ZNF792: variants seen among roughly 807,000 people sequenced by gnomAD.
ZNF792 encodes zinc finger protein 792.
Under a neutral mutation model 13.1 loss-of-function variants are expected in ZNF792, and 14 were observed. The ratio of observed to expected loss-of-function variants is 1.07; its 90% CI spans 0.71 to 1.67. The LOEUF is 1.67. ZNF792 is among the 40% of genes most tolerant of loss of function. The pLI is 0.00. For synonymous variants in ZNF792, 257 were observed against 292.0 expected (o/e 0.88, Z 1.22); for missense variants, 740 against 807.9 (o/e 0.92, Z 1.02).
chr19:34,962,090 C>A (rs1268116577), intron 1 of ZNF792, among the ~76,000 whole-genome samples: 1 of 152,142 alleles, frequency 6.6e-6, no homozygotes, highest in Non-Finnish European at 1.5e-5. Flanking sequence ...CAAGCAAGAA[C>A]CCTGCTCTCA....
chr19:34,956,823 G>T lies in ZNF792; in HGVS notation c.*1133C>A, dbSNP rs1443848905. 6.6e-6 allele frequency: 1 copy of T among 152,216 alleles called. No homozygotes were observed. Among genetic ancestry groups the T allele is most frequent in the African/African-American group, 2.4e-5 (1 of 41,436 alleles). The allele number at this position is 152,216 out of a possible 1,614,324, so 9.4% of individuals were successfully genotyped here. ...CACAGCACTGGCCTTCAGATGCACA[G>T]CACGGAGATGGTAATCCACAAAACC... On this transcript the variant is annotated 3_prime_UTR_variant, in exon 4 of 4. Coordinates refer to ENST00000404801, the MANE Select transcript of ZNF792 (RefSeq NM_175872.5).
chr19:34,959,086 A>G lies in ZNF792; in HGVS notation c.769T>C (p.Cys257Arg). The G allele has an allele frequency of 6.2e-7, 1 of 1,614,174 alleles. No individual in the cohort carries two copies. The change falls in exon 4 of 4, where the codon TGT (cysteine) becomes CGT (arginine). Residue 257 changes from cysteine (C) to arginine (R), a missense_variant. Physicochemically the swap from Cys to Arg is radical, Grantham distance 180. Coordinates refer to ENST00000404801, the MANE Select transcript of ZNF792 (RefSeq NM_175872.5). ...FHIALRHNKCCESGDAFNNKS... is the reference protein window; with the variant it reads ...FHIALRHNKCRESGDAFNNKS... Reference sequence around the variant, plus strand: ...TTATTGAAGGCATCCCCAGATTCACAGCACTTGTTATGCCTTAGTGCAATG... The same window carrying G: ...TTATTGAAGGCATCCCCAGATTCACGGCACTTGTTATGCCTTAGTGCAATG...
chr19:34,958,420 C>A lies in ZNF792; in HGVS notation c.1435G>T (p.Glu479Ter), dbSNP rs2013468805. 1 of 1,612,856 alleles carries A rather than the reference C, an allele frequency of 6.2e-7. No homozygotes were observed. The highest frequency in any genetic ancestry group is 1.3e-5 in the African/African-American group (1 of 74,872). ...AATAACTTCCCACATTCATTGCATT[C>A]ATAAGGCCGCTCACCAGTGTGAACT... The part of the protein sequence containing the change: ...QRVHTGERPY[E>*]CNECGKLFSQ... Residue 479 changes from glutamate to a stop codon, truncating the protein, a stop_gained, in exon 4 of 4, where the codon GAA (glutamate) becomes TAA (stop). Coordinates refer to ENST00000404801, the MANE Select transcript of ZNF792 (RefSeq NM_175872.5). LOFTEE classifies it low-confidence loss of function (END_TRUNC).
Position 34,959,159 on chromosome 19 carries a change from G to C in ZNF792, c.696C>G (p.Pro232=), listed in dbSNP as rs143827261. The change falls in exon 4 of 4, where the codon CCC becomes CCG. Residue 232 remains proline, a synonymous_variant. Coordinates refer to ENST00000404801, the MANE Select transcript of ZNF792 (RefSeq NM_175872.5). ...TAGFLQCEVT[P]SDGEPHEATE... is the part of the protein sequence containing the mutation. ...TGGCCTCGTGCGGCTCCCCATCGCT[G>C]GGAGTGACCTCACACTGCAGAAACC... The C allele has an allele frequency of 6.2e-7, 1 of 1,613,904 alleles. No individual in the cohort carries two copies. Among genetic ancestry groups the C allele is most frequent in the South Asian group, 1.1e-5 (1 of 91,080 alleles).
At position 34,957,895 on chromosome 19, in the gene ZNF792, T is replaced by TA; in HGVS notation, c.*60dup. 6.7e-7 allele frequency: 1 copy of TA among 1,491,270 alleles called. No individual in the cohort carries two copies. The highest frequency in any genetic ancestry group is 8.9e-7 in the Non-Finnish European group (1 of 1,117,678). The allele number at this position is 1,491,270 out of a possible 1,614,324, so 92.4% of individuals were successfully genotyped here. A position where few individuals can be genotyped will look rare whatever the true frequency, so the allele number is the denominator to read the frequency against. ...AACCCCAGCAGTGAAAAAACGCTGA[T>TA]AAACTCTACAGTAAGAGAATGTAAC... On this transcript the variant is annotated 3_prime_UTR_variant, in exon 4 of 4. Coordinates refer to ENST00000404801, the MANE Select transcript of ZNF792 (RefSeq NM_175872.5).
At chr19:34,960,009 G>A (rs1235061842) in intron 3 of ZNF792, among the ~76,000 whole-genome samples, 1 of 152,238 alleles carries the variant, frequency 6.6e-6, no homozygotes, top group African/African-American at 2.4e-5. Context: ...CGCAGAGGAA[G>A]CTGAAAGAGA....
In ZNF792 at chr19:34,958,108, T is replaced by A; in HGVS notation, c.1747A>T (p.Ile583Phe). 1 of 1,613,108 alleles carries A rather than the reference T, an allele frequency of 6.2e-7. No homozygotes were observed. The highest frequency in any genetic ancestry group is 1.1e-5 in the South Asian group (1 of 90,914). Residue 583 changes from isoleucine to phenylalanine, a missense_variant, in exon 4 of 4, where the codon ATT (isoleucine) becomes TTT (phenylalanine). Physicochemically the swap from Ile to Phe is conservative, Grantham distance 21. Coordinates refer to ENST00000404801, the MANE Select transcript of ZNF792 (RefSeq NM_175872.5). ...TCCATGCTCCTTTCTCTGATGTGAA[T>A]CTTCTGATGCCGAATGAGGGTAGGC... ...QRPTLIRHQK[I>F]HIRERSMENV...
chr19:34,963,665 G>T lies in ZNF792; in HGVS notation c.-3C>A. Reference sequence around the variant, plus strand: ...TCCCGCAGCGCCGCCGCTGCCATCGGAGTCTGTGGTCAGAGCAGGGCCCCA... The same window carrying T: ...TCCCGCAGCGCCGCCGCTGCCATCGTAGTCTGTGGTCAGAGCAGGGCCCCA... On this transcript the variant is annotated 5_prime_UTR_variant, in exon 1 of 4. Transcript: ENST00000404801. The T allele has an allele frequency of 6.2e-7, 1 of 1,602,002 alleles. No individual in the cohort carries two copies. Among genetic ancestry groups the T allele is most frequent in the Non-Finnish European group, 8.5e-7 (1 of 1,175,140 alleles).
rs578036879 is a variant in ZNF792 at position 34,959,637 on chromosome 19, T to TA, written c.284-67dup. The TA allele has an allele frequency of 2.7e-6, 4 of 1,474,828 alleles. No homozygotes were observed. In the South Asian group the frequency reaches 5.8e-5, roughly 22 times the overall value. 91.4% of individuals were successfully genotyped at this position (1,474,828 alleles called of 1,614,324 possible). ...AATAGAAGGAAAGAGCCCCATCACCTATGCTTGGCTGACCCAAGAATAAGC... is the reference window on the plus strand; with the variant it reads ...AATAGAAGGAAAGAGCCCCATCACCTAATGCTTGGCTGACCCAAGAATAAGC... On this transcript the variant is annotated intron_variant, in intron 3 of 3. Coordinates refer to ENST00000404801, the MANE Select transcript of ZNF792 (RefSeq NM_175872.5).
At chr19:34,959,673 G>A in intron 3 of ZNF792, 102 bp from the exon 4 acceptor site, 2 of 1,276,492 alleles carry the variant, frequency 1.6e-6, no homozygotes, top group East Asian at 2.5e-5. Context: ...CCATGGGATT[G>A]TTGGCAACAC....
Position 34,959,016 on chromosome 19 carries a change from C to T in ZNF792, c.839G>A (p.Arg280Lys), listed in dbSNP as rs763889916. The change falls in exon 4 of 4, where the codon AGG (arginine) becomes AAG (lysine). Residue 280 changes from arginine to lysine, a missense_variant. Transcript: ENST00000404801. Reference protein sequence around the residue: ...VQHQRIHSRERPYECSKCGIF... With the variant: ...VQHQRIHSREKPYECSKCGIF... ...TCCACATTTGCTGCATTCATAAGGCCTTTCTCTGCTGTGGATTCTCTGGTG... is the reference window on the plus strand; with the variant it reads ...TCCACATTTGCTGCATTCATAAGGCTTTTCTCTGCTGTGGATTCTCTGGTG... 6.2e-6 allele frequency: 10 copies of T among 1,613,992 alleles called. No individual in the cohort carries two copies. In the South Asian group the frequency reaches 9.9e-5, roughly 16 times the overall value.
chr19:34,958,160 G>A lies in ZNF792; in HGVS notation c.1695C>T (p.Ser565=), dbSNP rs752038439. The part of the protein sequence containing the change: ...VHKPDRPYEC[S]ECGKAFNQRP... ...TTTGGTTGAAGGCTTTCCCACATTC[G>A]CTGCATTCGTAAGGCCTGTCTGGTT... is the stretch of plus-strand genomic sequence containing the variant. Residue 565 remains serine, a synonymous_variant, in exon 4 of 4, where the codon AGC becomes AGT. Transcript: ENST00000404801. The A allele has an allele frequency of 2.4e-5, 39 of 1,611,636 alleles. No individual in the cohort carries two copies. The highest frequency in any genetic ancestry group is 1.6e-4 in the Middle Eastern group (1 of 6,078).
At chr19:34,963,122 G>C (rs1416195038) in intron 1 of ZNF792, among the ~76,000 whole-genome samples, 4 of 152,038 alleles carry the variant, frequency 2.6e-5, no homozygotes, top group Non-Finnish European at 5.9e-5. Flanking sequence ...TCCATATTCA[G>C]TTCTCCACTG....
rs774342229 is a variant in ZNF792, at chr19:34,963,634, G to A, written c.29C>T (p.Ala10Val). 4.4e-6 allele frequency: 7 copies of A among 1,602,748 alleles called. No individual in the cohort carries two copies. The highest frequency in any genetic ancestry group is 5.1e-6 in the Non-Finnish European group (6 of 1,175,722). ...GCCTAACGTCCAAGCACTCACCTGC[G>A]CGGGGTCCCGCAGCGCCGCCGCTGC... is the stretch of plus-strand genomic sequence containing the variant. Reference protein sequence around the residue: MAAAALRDPAQGCVTFEDVT... With the variant: MAAAALRDPVQGCVTFEDVT... Residue 10 changes from alanine (A) to valine (V), a missense_variant, in exon 1 of 4, where the codon GCG (alanine) becomes GTG (valine). By Grantham distance (64) the Ala-to-Val change is moderately conservative. Coordinates refer to ENST00000404801, the MANE Select transcript of ZNF792 (RefSeq NM_175872.5).
chr19:34,962,475 A>C (rs572413236), intron 1 of ZNF792, among the ~76,000 whole-genome samples: 2 of 152,316 alleles, frequency 1.3e-5, no homozygotes, highest in African/African-American at 2.4e-5. Flanking sequence ...AATCAGAAGC[A>C]GGAGCAAAAA....
At chr19:34,960,713 A>G in intron 2 of ZNF792, 155 bp downstream of exon 2, 2 of 1,172,994 alleles carry the variant, frequency 1.7e-6, no homozygotes, top group South Asian at 2.8e-5. Context: ...AACAATGCAC[A>G]TAGCTCAGCC....
chr19:34,960,575 G>A (rs1335723896), intron 2 of ZNF792: 6 of 699,550 alleles, frequency 8.6e-6, no homozygotes, highest in South Asian at 5.6e-5. Context: ...GTCAGATCTG[G>A]ATAATCACCC....
chr19:34,960,777 G>A (rs1357845290), intron 2 of ZNF792, 91 bp downstream of exon 2: 2 of 1,588,600 alleles, frequency 1.3e-6, no homozygotes, highest in Non-Finnish European at 1.7e-6. Context: ...AGTGCCAGCG[G>A]TCTGGCTGTG....
At position 34,957,369 on chromosome 19, in the gene ZNF792, T is replaced by C. The variant is rs927890540; in HGVS notation, c.*587A>G. The C allele has an allele frequency of 6.6e-6, 1 of 152,288 alleles. No homozygotes were observed. Among genetic ancestry groups the C allele is most frequent in the South Asian group, 2.1e-4 (1 of 4,834 alleles). The allele number at this position is 152,288 out of a possible 1,614,324, so 9.4% of individuals were successfully genotyped here. On this transcript the variant is annotated 3_prime_UTR_variant, in exon 4 of 4. Coordinates refer to ENST00000404801, the MANE Select transcript of ZNF792 (RefSeq NM_175872.5). ...GAGGTCAAATCTGGATTGACAGTTG[T>C]TTCTCTGCCATCCTCCTGTCCCCTC...
Sources: gnomAD v4.1 joint callset for allele counts (sites outside exome capture counted in the v4.1 genomes callset) on GRCh38, gnomAD v4.1.1 for gene constraint, MANE v1.5 for transcripts, NCBI Gene and HGNC (gene_info 2026-07-23, HGNC 2026-07-21) for gene names.